KLRG2: variants seen among roughly 807,000 people sequenced by gnomAD.
KLRG2 encodes the protein killer cell lectin-like receptor subfamily G member 2.
KLRG2 carries 39 observed loss-of-function variants against 35.4 expected under a neutral mutation model. The observed-to-expected ratio is 1.10, with a 90% CI of 0.85 to 1.44. KLRG2 has a LOEUF of 1.44. KLRG2 is among the 40% of genes most tolerant of loss of function. The pLI, the probability that KLRG2 is intolerant of heterozygous loss-of-function variation, is 0.00. For missense variants in KLRG2, 632 were observed against 570.9 expected (o/e 1.11, Z -1.09); for synonymous variants, 283 against 265.8 (o/e 1.06, Z -0.63).
At chr7:139,455,411 T>C (rs1402272924) in intron 3 of KLRG2, among the ~76,000 whole-genome samples, 2 of 150,270 alleles carry the variant, frequency 1.3e-5, no homozygotes, top group Non-Finnish European at 3.0e-5. Context: ...AAGCTCTGTC[T>C]CCTGGGTTCA....
At chr7:139,429,873 A>G in the KLRG2 span, among the ~76,000 whole-genome samples, 1 of 151,986 alleles carries the variant, frequency 6.6e-6, no homozygotes, top group Non-Finnish European at 1.5e-5. Context: ...GCCCGTTCTC[A>G]ATGAGCTGTT....
At chr7:139,434,696 C>A in the KLRG2 span, among the ~76,000 whole-genome samples, 1 of 152,192 alleles carries the variant, frequency 6.6e-6, no homozygotes, top group East Asian at 1.9e-4. Context: ...TGTGTTCTTA[C>A]AGGGGAAGTC....
At chr7:139,435,718 C>T in the KLRG2 span, among the ~76,000 whole-genome samples, 2 of 152,184 alleles carry the variant, frequency 1.3e-5, no homozygotes, top group African/African-American at 4.8e-5. Flanking sequence ...ATGCCGACTT[C>T]CTTCCCTTAA....
At chr7:139,456,378 A>T (rs1367499045) in intron 3 of KLRG2, among the ~76,000 whole-genome samples, 1 of 151,718 alleles carries the variant, frequency 6.6e-6, no homozygotes, top group Non-Finnish European at 1.5e-5. Flanking sequence ...TTTAATTTTT[A>T]TTTTTGAGAC....
chr7:139,479,200 A>C (rs1796910029), intron 3 of KLRG2, among the ~76,000 whole-genome samples: 1 of 152,082 alleles, frequency 6.6e-6, no homozygotes, highest in Admixed American at 6.6e-5. Context: ...CTCCTGCCTC[A>C]GCCTCCTAAA....
At chr7:139,443,312 C>T in the KLRG2 span, among the ~76,000 whole-genome samples, 2 of 151,946 alleles carry the variant, frequency 1.3e-5, no homozygotes, top group East Asian at 1.9e-4. Context: ...TCTCAAACTC[C>T]TGATCTCAAG....
chr7:139,447,050 T>C, the KLRG2 span, among the ~76,000 whole-genome samples: 1 of 152,216 alleles, frequency 6.6e-6, no homozygotes, highest in East Asian at 1.9e-4. Context: ...GAGACTTCCT[T>C]GCCTTCCCTG....
At chr7:139,458,958 G>A (rs1393738214) in intron 3 of KLRG2, among the ~76,000 whole-genome samples, 1 of 152,198 alleles carries the variant, frequency 6.6e-6, no homozygotes, top group Non-Finnish European at 1.5e-5. Flanking sequence ...AGCACCTGCA[G>A]GAGCTTCCGG....
intron 4 of KLRG2, 123 bp from the exon 5 acceptor site, chr7:139,453,830 G>C: frequency 8.8e-7 from 1 of 1,137,922 alleles, no homozygotes; most frequent in Non-Finnish European, 1.3e-6. Context: ...GTGAGTCACT[G>C]CACTGGTCAG....
In KLRG2 at chr7:139,483,097, C is replaced by G. The variant is rs1391050995; in HGVS notation, c.546G>C (p.Trp182Cys). The change falls in exon 1 of 5, where the codon TGG becomes TGC. Residue 182 changes from tryptophan to cysteine, a missense_variant. Trp to Cys is a radical substitution (Grantham distance 215). Coordinates refer to ENST00000340940, the MANE Select transcript of KLRG2 (RefSeq NM_198508.4). Reference protein sequence around the residue: ...LLRAPSQGGTWGRRSPLAAAR... With the variant: ...LLRAPSQGGTCGRRSPLAAAR... ...CTGCAGCCAGCGGCGAGCGGCGGCC[C>G]CACGTGCCGCCCTGGGATGGTGCGC... 1 of 1,436,726 alleles carries G rather than the reference C, an allele frequency of 7.0e-7. No individual in the cohort carries two copies. Among genetic ancestry groups the G allele is most frequent in the Non-Finnish European group, 9.1e-7 (1 of 1,104,518 alleles). The allele number at this position is 1,436,726 out of a possible 1,614,324, so 89.0% of individuals were successfully genotyped here.
At chr7:139,445,808 T>C in the KLRG2 span, among the ~76,000 whole-genome samples, 3 of 141,770 alleles carry the variant, frequency 2.1e-5, 1 homozygote, top group African/African-American at 9.0e-5. Context: ...TATATATATA[T>C]GACGGAGTTT....
intron 3 of KLRG2, among the ~76,000 whole-genome samples, chr7:139,458,558 T>G (rs1239177445): frequency 6.6e-6 from 1 of 152,030 alleles, no homozygotes; most frequent in Non-Finnish European, 1.5e-5. Flanking sequence ...ATTAAACAAC[T>G]CCCCATCCCC....
Position 139,482,893 on chromosome 7 carries a change from C to T in KLRG2, c.750G>A (p.Thr250=), listed in dbSNP as rs751030371. ...DGDEKLPRAV[T]LTGLPMYVKS... is the part of the protein sequence containing the mutation. The stretch of plus-strand genomic sequence containing the variant: ...GCGCAGGTGAGCACTCACCCGTAAG[C>T]GTTACGGCCCGGGGCAGCTTCTCGT... The change falls in exon 1 of 5, where the codon ACG becomes ACA. Residue 250 remains threonine (T), a synonymous_variant. Coordinates refer to ENST00000340940, the MANE Select transcript of KLRG2 (RefSeq NM_198508.4). 1.1e-5 allele frequency: 16 copies of T among 1,477,766 alleles called. No individual in the cohort carries two copies. In the Middle Eastern group the frequency reaches 1.2e-3, roughly 107 times the overall value. The allele number at this position is 1,477,766 out of a possible 1,614,324, so 91.5% of individuals were successfully genotyped here. A position where few individuals can be genotyped will look rare whatever the true frequency, so the allele number is the denominator to read the frequency against.
chr7:139,450,066 G>A (rs1415923802), downstream of KLRG2, among the ~76,000 whole-genome samples: 8 of 151,300 alleles, frequency 5.3e-5, no homozygotes, highest in Non-Finnish European at 8.8e-5. Context: ...TTTTTGAAAC[G>A]GAGTCTCACT....
chr7:139,431,420 C>CT, the KLRG2 span, among the ~76,000 whole-genome samples: 56,498 of 148,240 alleles, frequency 0.38, 14,728 homozygotes, highest in African/African-American at 0.75. Context: ...AATATATACA[C>CT]TTTTTTTTTT....
chr7:139,428,012 C>T, the KLRG2 span, among the ~76,000 whole-genome samples: 2 of 152,146 alleles, frequency 1.3e-5, no homozygotes, highest in Non-Finnish European at 2.9e-5. Flanking sequence ...GTGAAAGGCT[C>T]TTTCTGGCAT....
At position 139,483,453 on chromosome 7, in the gene KLRG2, G is replaced by A; in HGVS notation, c.190C>T (p.Pro64Ser). ...GAAGGCGGCTTTTTCTTGCTCGAGG[G>A]CTCCAGGCCTGCGCCCGCCGCCTTC... Reference protein sequence around the residue: ...VEKAAGAGLEPSSKKKPPSPR... With the variant: ...VEKAAGAGLESSSKKKPPSPR... The change falls in exon 1 of 5, where the codon CCC becomes TCC. Residue 64 changes from proline to serine, a missense_variant. Pro to Ser is a moderately conservative substitution (Grantham distance 74). Coordinates refer to ENST00000340940, the MANE Select transcript of KLRG2 (RefSeq NM_198508.4). 3 of 1,580,664 alleles carry A rather than the reference G, an allele frequency of 1.9e-6. No homozygotes were observed. The highest frequency in any genetic ancestry group is 2.6e-6 in the Non-Finnish European group (3 of 1,172,914).
At chr7:139,448,154 C>A (rs1381123797), downstream of KLRG2, among the ~76,000 whole-genome samples, 1 of 152,026 alleles carries the variant, frequency 6.6e-6, no homozygotes, top group African/African-American at 2.4e-5. Flanking sequence ...GGCCACCACG[C>A]CCAGCTTATT....
the KLRG2 span, among the ~76,000 whole-genome samples, chr7:139,444,643 T>C: frequency 6.6e-6 from 1 of 152,194 alleles, no homozygotes; most frequent in Non-Finnish European, 1.5e-5. Context: ...GTGGACCCCC[T>C]GATCTCAGAC....
Sources: allele counts gnomAD v4.1 joint callset (sites outside exome capture counted in the v4.1 genomes callset), GRCh38; gene constraint gnomAD v4.1.1; transcripts MANE v1.5; gene names NCBI Gene and HGNC (gene_info 2026-07-23, HGNC 2026-07-21).